The following MAP3K14 variants were observed in gnomAD, a reference collection of about 807,000 sequenced individuals.
MAP3K14 encodes the protein NF-kappa-beta-inducing kinase.
In MAP3K14, 16 loss-of-function variants were observed where a neutral mutation model predicts 99.2. The observed-to-expected ratio is 0.16, with a 90% CI of 0.11 to 0.24. The LOEUF is 0.24. Ranked by LOEUF, MAP3K14 falls within the 10% of genes least tolerant of loss-of-function variation. The pLI, the probability that MAP3K14 is intolerant of heterozygous loss-of-function variation, is 1.00. For synonymous variants in MAP3K14, 462 were observed against 492.4 expected (o/e 0.94, Z 0.82); for missense variants, 784 against 1,208.7 (o/e 0.65, Z 5.21).
rs866020514 is a variant in MAP3K14 at position 45,302,453 on chromosome 17, G to A, written c.-20-11688C>T. Among the ~76,000 whole-genome samples the A allele has an allele frequency of 7.9e-5, 12 of 152,090 alleles. 1 individual carries two copies. The East Asian group carries it at 2.1e-3, about 27-fold the overall frequency. ...CTCCTGAGCAGCTGGGATTACAGGCGCCTGCCACCACACCCGGCTAATTTT... is the reference window on the plus strand; with the variant it reads ...CTCCTGAGCAGCTGGGATTACAGGCACCTGCCACCACACCCGGCTAATTTT... On this transcript the variant is annotated intron_variant, in intron 1 of 15. Transcript: ENST00000344686.
intron 3 of MAP3K14, 68 bp from the exon 4 acceptor site, chr17:45,287,432 T>A: frequency 4.5e-6 from 6 of 1,348,080 alleles, no homozygotes; most frequent in Non-Finnish European, 6.3e-6. Context: ...GTCCAGACAC[T>A]TGTATCTGGA....
chr17:45,304,767 C>T (rs1175033289), intron 1 of MAP3K14, among the ~76,000 whole-genome samples: 2 of 152,178 alleles, frequency 1.3e-5, no homozygotes, highest in Non-Finnish European at 1.5e-5. Context: ...AATGGCCATT[C>T]AGCTACATGA....
At chr17:45,311,793 T>C (rs1215096263) in intron 1 of MAP3K14, among the ~76,000 whole-genome samples, 2 of 152,144 alleles carry the variant, frequency 1.3e-5, no homozygotes, top group Non-Finnish European at 2.9e-5. Flanking sequence ...CACACCAAAA[T>C]AGGGCTTGTC....
Position 45,271,219 on chromosome 17 carries a change from C to T in MAP3K14, c.1660G>A (p.Asp554Asn). 6.2e-7 allele frequency: 1 copy of T among 1,604,658 alleles called. No homozygotes were observed. The highest frequency in any genetic ancestry group is 8.5e-7 in the Non-Finnish European group (1 of 1,177,326). ...TGGGTCTCTGTGCCAGGGATGTAGT[C>T]CCCTGAGAAGGGGGATGAGACATAA... is the stretch of plus-strand genomic sequence containing the variant. ...DGLGKSLLTG[D>N]YIPGTETHMA... Residue 554 changes from aspartate (D) to asparagine (N), a missense_variant and splice_region_variant, in exon 10 of 16, where the codon GAC (aspartate) becomes AAC (asparagine). Transcript: ENST00000344686.
chr17:45,290,811 T>C lies in MAP3K14; in HGVS notation c.-20-46A>G, dbSNP rs1366635940. Reference sequence around the variant, plus strand: ...AGCAGGTCACTTAGAATCCCAGACCTGGGAGAACACAGGTCAGCCTTGGGT... The same window carrying C: ...AGCAGGTCACTTAGAATCCCAGACCCGGGAGAACACAGGTCAGCCTTGGGT... On this transcript the variant is annotated intron_variant, in intron 1 of 15. Transcript: ENST00000344686. 8 of 1,578,126 alleles carry C rather than the reference T, an allele frequency of 5.1e-6. No homozygotes were observed. The African/African-American group carries it at 9.5e-5, about 19-fold the overall frequency.
chr17:45,266,700 G>C lies in MAP3K14; in HGVS notation c.2434-19C>G. 6.3e-7 allele frequency: 1 copy of C among 1,599,244 alleles called. No homozygotes were observed. Among genetic ancestry groups the C allele is most frequent in the Non-Finnish European group, 8.6e-7 (1 of 1,169,098 alleles). ...ATGGGTTCTGAAACAACAGGATTGG[G>C]TACGGGCTCAGGGCCCTGGGCTCCA... On this transcript the variant is annotated intron_variant, in intron 13 of 15. Coordinates refer to ENST00000344686, the MANE Select transcript of MAP3K14 (RefSeq NM_003954.5).
In MAP3K14 at chr17:45,267,682, G is replaced by T; in HGVS notation, c.2050C>A (p.Gln684Lys). The change falls in exon 12 of 16, where the codon CAG becomes AAG. Residue 684 changes from glutamine (Q) to lysine (K), a missense_variant. Around this residue, in one of 5 missense-constraint regions of MAP3K14, gnomAD observed 128 missense variants for 143.3 expected, o/e 0.89. Transcript: ENST00000344686. The surrounding 1 kb of genome is among the most constrained non-coding windows in gnomAD (Gnocchi z 5.1). ...TCTCTCGGCTGGGCATGGAGGGTCTGGTGGTAATTGGCTTGATTTGGCGGT... is the reference window on the plus strand; with the variant it reads ...TCTCTCGGCTGGGCATGGAGGGTCTTGTGGTAATTGGCTTGATTTGGCGGT... Reference protein sequence around the residue: ...HPPPNQANYHQTLHAQPRELS... With the variant: ...HPPPNQANYHKTLHAQPRELS... 6.2e-7 allele frequency: 1 copy of T among 1,614,006 alleles called. No individual in the cohort carries two copies. Among genetic ancestry groups the T allele is most frequent in the Non-Finnish European group, 8.5e-7 (1 of 1,179,896 alleles).
intron 3 of MAP3K14, among the ~76,000 whole-genome samples, 157 bp downstream of exon 3, chr17:45,289,079 G>A (rs1019555917): frequency 7.2e-5 from 11 of 152,298 alleles, no homozygotes; most frequent in East Asian, 1.9e-4. Flanking sequence ...CTGAGAGAGC[G>A]GCTCAGCCAG....
At position 45,275,901 on chromosome 17, in the gene MAP3K14, A is replaced by G. The variant is rs1050656328; in HGVS notation, c.1291-1308T>C. Among the ~76,000 whole-genome samples, 3 of 151,634 alleles carry G rather than the reference A, an allele frequency of 2.0e-5. No individual in the cohort carries two copies. In the East Asian group the frequency reaches 5.8e-4, roughly 29 times the overall value. On this transcript the variant is annotated intron_variant, in intron 6 of 15. Transcript: ENST00000344686. ...CTCAGCCTCCCGAGTAGCTGGGACT[A>G]CAAGTGTGCGCCACCAGGCCCAGAT...
rs910290109 is a variant in MAP3K14, at chr17:45,263,798, T to G, written c.*838A>C. The G allele has an allele frequency of 6.6e-6, 1 of 152,428 alleles. No individual in the cohort carries two copies. Among genetic ancestry groups the G allele is most frequent in the Non-Finnish European group, 1.5e-5 (1 of 68,104 alleles). 9.4% of individuals were successfully genotyped at this position (152,428 alleles called of 1,614,324 possible). ...ATCATGTCCATCCACAGACTGTTCC[T>G]GTCAGGCATATCCTGCATCACCCTT... On this transcript the variant is annotated 3_prime_UTR_variant, in exon 16 of 16. Transcript: ENST00000344686.
Position 45,265,241 on chromosome 17 carries a change from A to G in MAP3K14, c.2601T>C (p.Ser867=), listed in dbSNP as rs760708179. ...YFNGVKVQIQ[S]LNGEHLHIRE... ...GGATGTGCAGGTGTTCACCATTAAG[A>G]GACTGTATTTGGACTTTCACACCTA... The change falls in exon 15 of 16, where the codon TCT becomes TCC. Residue 867 remains serine, a synonymous_variant. Coordinates refer to ENST00000344686, the MANE Select transcript of MAP3K14 (RefSeq NM_003954.5). 1.2e-6 allele frequency: 2 copies of G among 1,613,678 alleles called. No individual in the cohort carries two copies. The highest frequency in any genetic ancestry group is 2.2e-5 in the East Asian group (1 of 44,866).
chr17:45,291,296 C>G (rs372057150), intron 1 of MAP3K14, among the ~76,000 whole-genome samples: 13 of 149,752 alleles, frequency 8.7e-5, no homozygotes, highest in Non-Finnish European at 1.6e-4. Context: ...AGGTAGATAT[C>G]TGTGTGTGTG....
intron 1 of MAP3K14, among the ~76,000 whole-genome samples, chr17:45,291,398 T>C (rs2044309987): frequency 6.6e-6 from 1 of 152,206 alleles, no homozygotes; most frequent in South Asian, 2.1e-4. Flanking sequence ...TTTGTGGCTC[T>C]CCAGAAGGAA....
intron 1 of MAP3K14, among the ~76,000 whole-genome samples, chr17:45,292,678 A>G (rs2143834567): frequency 6.6e-6 from 1 of 151,802 alleles, no homozygotes; most frequent in Admixed American, 6.6e-5. Context: ...TCCCCACCCC[A>G]CTCTACCTCC....
chr17:45,301,094 G>A (rs1023055780), intron 1 of MAP3K14, among the ~76,000 whole-genome samples: 1 of 151,848 alleles, frequency 6.6e-6, no homozygotes, highest in Non-Finnish European at 1.5e-5. Flanking sequence ...CTTTAGTCTA[G>A]GAGTGCAAGG....
rs2044252211 is a variant in MAP3K14 at position 45,284,937 on chromosome 17, C to T, written c.1165G>A (p.Val389Met). The T allele has an allele frequency of 1.3e-6, 2 of 1,552,556 alleles. No individual in the cohort carries two copies. Among genetic ancestry groups the T allele is most frequent in the African/African-American group, 1.4e-5 (1 of 73,218 alleles). ...ACTTCTTCTCGGTACTCATAATCCA[C>T]TGGCTTGAGTTTCTGGGGTTGGCAG... is the stretch of plus-strand genomic sequence containing the variant. ...GVLLTEKLKPVDYEYREEVHW... is the reference protein window; with the variant it reads ...GVLLTEKLKPMDYEYREEVHW... The change falls in exon 6 of 16, where the codon GTG (valine) becomes ATG (methionine). Residue 389 changes from valine (V) to methionine (M), a missense_variant. By Grantham distance (21) the Val-to-Met change is conservative (BLOSUM62 1). This residue lies in a region of MAP3K14 where 200 missense variants were observed against 367.9 expected (regional missense o/e 0.54). Coordinates refer to ENST00000344686, the MANE Select transcript of MAP3K14 (RefSeq NM_003954.5).
chr17:45,313,327 GAACAAC>G (rs754915065), intron 1 of MAP3K14, among the ~76,000 whole-genome samples: 2 of 151,742 alleles, frequency 1.3e-5, no homozygotes, highest in African/African-American at 4.8e-5. Context: ...CCACCAACAA[GAACAAC>G]AACAACAACA....
In MAP3K14 at chr17:45,290,635, G is replaced by A; in HGVS notation, c.111C>T (p.Ser37=). 6.2e-7 allele frequency: 1 copy of A among 1,613,664 alleles called. No homozygotes were observed. Among genetic ancestry groups the A allele is most frequent in the Admixed American group, 1.7e-5 (1 of 59,992 alleles). ...EKTPPLGKKQ[S]SVYKLEAVEK... is the part of the protein sequence containing the mutation. ...CCACGGCCTCAAGCTTGTAGACGGAGCTCTGTTTCTTCCCCAGTGGCGGCG... is the reference window on the plus strand; with the variant it reads ...CCACGGCCTCAAGCTTGTAGACGGAACTCTGTTTCTTCCCCAGTGGCGGCG... Residue 37 remains serine (S), a synonymous_variant, in exon 2 of 16, where the codon AGC becomes AGT. Coordinates refer to ENST00000344686, the MANE Select transcript of MAP3K14 (RefSeq NM_003954.5).
chr17:45,264,842 G>A (rs1226098997), intron 15 of MAP3K14, 42 bp from the exon 16 acceptor site: 3 of 1,596,646 alleles, frequency 1.9e-6, no homozygotes, highest in Admixed American at 1.7e-5. Context: ...CATGGCATAG[G>A]GCTCAAGCCA....
Sources: allele counts gnomAD v4.1 joint callset (sites outside exome capture counted in the v4.1 genomes callset), GRCh38; gene constraint gnomAD v4.1.1; regional missense constraint gnomAD v4.1.1; non-coding constraint Gnocchi (gnomAD v3.1); transcripts MANE v1.5; gene names NCBI Gene and HGNC (gene_info 2026-07-23, HGNC 2026-07-21).